The following EYA4 variants were observed in gnomAD, a reference collection of about 807,000 sequenced individuals.
EYA4 encodes EYA transcriptional coactivator and phosphatase 4.
Under a neutral mutation model 87.9 loss-of-function variants are expected in EYA4, and 31 were observed. That is an observed-to-expected ratio of 0.35 (90% CI 0.27 to 0.48). EYA4 has a LOEUF of 0.48. Among genes scored for constraint, EYA4 ranks in the 20% least tolerant of loss-of-function variants. EYA4 has a pLI of 0.99. For missense variants in EYA4, 678 were observed against 761.4 expected (o/e 0.89, Z 1.29); for synonymous variants, 263 against 270.6 (o/e 0.97, Z 0.28).
intron 2 of EYA4, among the ~76,000 whole-genome samples, chr6:133,359,545 T>C (rs1029280303): frequency 2.6e-5 from 4 of 152,214 alleles, no homozygotes; most frequent in Admixed American, 2.0e-4. Context: ...GAAACCAACA[T>C]GTTTAGTTTA....
At chr6:133,495,764 T>C (rs1310600234) in intron 13 of EYA4, among the ~76,000 whole-genome samples, 2 of 152,142 alleles carry the variant, frequency 1.3e-5, no homozygotes, top group South Asian at 2.1e-4. Flanking sequence ...CACAGATTGC[T>C]GCGTTACAAC....
intron 2 of EYA4, among the ~76,000 whole-genome samples, chr6:133,323,647 G>A (rs573327644): frequency 6.1e-4 from 93 of 152,154 alleles, no homozygotes; most frequent in Non-Finnish European, 9.4e-4. Context: ...TCTAGGGGAA[G>A]CAAGGATTTT....
At chr6:133,347,059 G>T (rs999965238) in intron 2 of EYA4, among the ~76,000 whole-genome samples, 1 of 152,190 alleles carries the variant, frequency 6.6e-6, no homozygotes, top group East Asian at 1.9e-4. Context: ...GGTCAAAAAA[G>T]AACATGGCAA....
intron 2 of EYA4, among the ~76,000 whole-genome samples, chr6:133,293,049 T>G (rs552514428): frequency 1.2e-4 from 19 of 152,344 alleles, no homozygotes; most frequent in South Asian, 8.3e-4. Context: ...TGGCTTGCAA[T>G]GTATTCCCGT....
At chr6:133,445,031 T>G (rs1255184896) in intron 3 of EYA4, among the ~76,000 whole-genome samples, 1 of 152,210 alleles carries the variant, frequency 6.6e-6, no homozygotes, top group African/African-American at 2.4e-5. Flanking sequence ...TTCCCTTTTT[T>G]TGGCTTCTTG....
chr6:133,439,113 C>T (rs1017126506), intron 3 of EYA4, among the ~76,000 whole-genome samples: 1 of 140,758 alleles, frequency 7.1e-6, no homozygotes, highest in African/African-American at 2.6e-5. Flanking sequence ...AAGATAATGA[C>T]TTTACGAGCA....
At chr6:133,357,890 T>G (rs1227013494) in intron 2 of EYA4, among the ~76,000 whole-genome samples, 1 of 151,794 alleles carries the variant, frequency 6.6e-6, no homozygotes, top group African/African-American at 2.4e-5. Flanking sequence ...GTAATCATTT[T>G]GATACAGTTC....
intron 2 of EYA4, among the ~76,000 whole-genome samples, chr6:133,308,660 G>A (rs553806090): frequency 3.3e-5 from 5 of 152,074 alleles, no homozygotes; most frequent in South Asian, 2.1e-4. Flanking sequence ...TATGAGATGC[G>A]GTATTTGGTT....
chr6:133,480,561 A>T (rs916574351), intron 11 of EYA4, among the ~76,000 whole-genome samples: 1 of 152,182 alleles, frequency 6.6e-6, no homozygotes, highest in Non-Finnish European at 1.5e-5. Context: ...AAGACTTAGT[A>T]TGAAAAAGAA....
At chr6:133,340,162 G>A (rs1323264498) in intron 2 of EYA4, among the ~76,000 whole-genome samples, 1 of 152,110 alleles carries the variant, frequency 6.6e-6, no homozygotes, top group African/African-American at 2.4e-5. Flanking sequence ...ACTATATATA[G>A]GCTTAATGTG....
intron 2 of EYA4, among the ~76,000 whole-genome samples, chr6:133,375,197 C>G (rs1465654779): frequency 6.6e-6 from 1 of 151,904 alleles, no homozygotes; most frequent in Non-Finnish European, 1.5e-5. Flanking sequence ...TAGCAGTACA[C>G]CAATCCTATG....
rs149436063 is a variant in EYA4, at chr6:133,477,876, A to G, written c.971-3587A>G. Among the ~76,000 whole-genome samples the G allele has an allele frequency of 8.0e-4, 121 of 152,158 alleles. No homozygotes were observed. The Middle Eastern group carries it at 0.01, about 13-fold the overall frequency. On this transcript the variant is annotated intron_variant, in intron 11 of 19. Transcript: ENST00000355286. ...CACATAAATATATATAATGTTTCAT[A>G]ATAAAGAGCTTTGACAAATCAATAA...
intron 2 of EYA4, among the ~76,000 whole-genome samples, chr6:133,308,384 T>C (rs2210891): frequency 0.44 from 66,293 of 152,014 alleles, 15,166 homozygotes; most frequent in Non-Finnish European, 0.52. Flanking sequence ...ATTCAGTAAT[T>C]AAAAAAAACT....
At chr6:133,358,232 A>T (rs1784213107) in intron 2 of EYA4, among the ~76,000 whole-genome samples, 1 of 152,128 alleles carries the variant, frequency 6.6e-6, no homozygotes, top group Admixed American at 6.5e-5. Flanking sequence ...AGGTAGGGGT[A>T]ATCTAGTGTA....
At chr6:133,520,995 T>C (rs62430664) in intron 17 of EYA4, among the ~76,000 whole-genome samples, 35,718 of 150,932 alleles carry the variant, frequency 0.24, 6,034 homozygotes, top group African/African-American at 0.48. Flanking sequence ...ATGTTAGACC[T>C]AAAACTATAA....
At chr6:133,363,739 T>C (rs1784643712) in intron 2 of EYA4, among the ~76,000 whole-genome samples, 1 of 152,088 alleles carries the variant, frequency 6.6e-6, no homozygotes, top group Non-Finnish European at 1.5e-5. Flanking sequence ...CCTCCCAAAG[T>C]GCTGGGATTA....
chr6:133,408,997 A>T (rs1788977129), intron 3 of EYA4, among the ~76,000 whole-genome samples: 1 of 152,114 alleles, frequency 6.6e-6, no homozygotes, highest in South Asian at 2.1e-4. Flanking sequence ...CCCTGTTCTG[A>T]TCTGGATTTT....
chr6:133,369,307 T>G (rs1241107795), intron 2 of EYA4, among the ~76,000 whole-genome samples: 2 of 152,136 alleles, frequency 1.3e-5, no homozygotes, highest in Non-Finnish European at 2.9e-5. Flanking sequence ...TATCCTTATC[T>G]CTTGAATTTA....
intron 11 of EYA4, among the ~76,000 whole-genome samples, chr6:133,479,961 C>T (rs553550888): frequency 4.6e-5 from 7 of 152,250 alleles, no homozygotes; most frequent in Non-Finnish European, 7.4e-5. Context: ...ATCTATGGGA[C>T]GTACAGAAGT....
Sources: gnomAD v4.1 joint callset for allele counts (sites outside exome capture counted in the v4.1 genomes callset) on GRCh38, gnomAD v4.1.1 for gene constraint, MANE v1.5 for transcripts, NCBI Gene and HGNC (gene_info 2026-07-23, HGNC 2026-07-21) for gene names.